GALNTL6: variants seen among roughly 807,000 people sequenced by gnomAD.
GALNTL6 encodes the protein polypeptide N-acetylgalactosaminyltransferase like 6, also known as polypeptide N-acetylgalactosaminyltransferase-like 6.
A neutral mutation model predicts 73.7 loss-of-function variants in GALNTL6; 46 were observed. The observed-to-expected ratio is 0.62, with a 90% CI of 0.49 to 0.80. GALNTL6 has a LOEUF of 0.80. Among genes scored for constraint, GALNTL6 ranks in the 30% least tolerant of loss-of-function variants. The pLI, the probability that GALNTL6 is intolerant of heterozygous loss-of-function variation, is 0.00. For synonymous variants in GALNTL6, 259 were observed against 263.7 expected (o/e 0.98, Z 0.17); for missense variants, 604 against 755.0 (o/e 0.80, Z 2.34).
At position 172,096,084 on chromosome 4, in the gene GALNTL6, C is replaced by CTGTG. The variant is rs138495979; in HGVS notation, c.139-133550_139-133547dup. On this transcript the variant is annotated intron_variant, in intron 2 of 12. Transcript: ENST00000506823. The stretch of plus-strand genomic sequence containing the variant: ...TTTCGATTTCTCTCTCTCTCTCTTT[C>CTGTG]TGTGTGTGTGTGTGTGTGTGTGTGT... 5.4e-3 allele frequency among the ~76,000 whole-genome samples: 793 copies of CTGTG among 147,140 alleles called. 6 individuals are homozygous for CTGTG. The highest frequency in any genetic ancestry group is 0.015 in the African/African-American group (581 of 39,826).
At chr4:172,534,253 G>C (rs1409016202) in intron 5 of GALNTL6, among the ~76,000 whole-genome samples, 2 of 152,144 alleles carry the variant, frequency 1.3e-5, no homozygotes, top group African/African-American at 2.4e-5. Context: ...AGCACTTCAG[G>C]CCTCTCCTGC....
rs17058925 is a variant in GALNTL6 at position 172,808,788 on chromosome 4, A to G, written c.554-573A>G. On this transcript the variant is annotated intron_variant, in intron 5 of 12. Transcript: ENST00000506823. The stretch of plus-strand genomic sequence containing the variant: ...ATAGGTAAGTTCCAAACGACTGTAT[A>G]GTATTTCATCTGCAGCCAGTCACCT... Among the ~76,000 whole-genome samples the G allele has an allele frequency of 3.2e-3, 485 of 152,372 alleles. 3 individuals carry two copies. Among genetic ancestry groups the G allele is most frequent in the African/African-American group, 0.011 (465 of 41,594 alleles).
chr4:172,338,469 T>C (rs939197245), intron 4 of GALNTL6, among the ~76,000 whole-genome samples: 2 of 152,172 alleles, frequency 1.3e-5, no homozygotes, highest in African/African-American at 4.8e-5. Context: ...TTTCTGTTCT[T>C]TCCCTCTACC....
At chr4:172,008,811 C>T (rs78118430) in intron 2 of GALNTL6, among the ~76,000 whole-genome samples, 10,299 of 152,206 alleles carry the variant, frequency 0.068, 515 homozygotes, top group Non-Finnish European at 0.094. Flanking sequence ...CAGAGCAAAT[C>T]AACCCAGTTT....
intron 5 of GALNTL6, among the ~76,000 whole-genome samples, chr4:172,804,151 A>C (rs1275365663): frequency 6.6e-6 from 1 of 152,242 alleles, no homozygotes; most frequent in Non-Finnish European, 1.5e-5. Context: ...AAAAAAATTT[A>C]AGAATATCTT....
chr4:172,013,408 G>A (rs1741082944), intron 2 of GALNTL6, among the ~76,000 whole-genome samples: 1 of 152,020 alleles, frequency 6.6e-6, no homozygotes, highest in African/African-American at 2.4e-5. Flanking sequence ...AAAATATACA[G>A]TATTTGTCTT....
intron 5 of GALNTL6, among the ~76,000 whole-genome samples, chr4:172,601,793 T>C (rs1452274504): frequency 6.8e-6 from 1 of 146,484 alleles, no homozygotes; most frequent in Non-Finnish European, 1.5e-5. Flanking sequence ...AAAAGGGGGT[T>C]AAGATCTATA....
At chr4:172,040,557 A>G (rs970552960) in intron 2 of GALNTL6, among the ~76,000 whole-genome samples, 1 of 152,134 alleles carries the variant, frequency 6.6e-6, no homozygotes, top group African/African-American at 2.4e-5. Flanking sequence ...CTACCATGCC[A>G]TTAATGATGA....
chr4:172,945,286 T>C (rs1749111406), intron 9 of GALNTL6, among the ~76,000 whole-genome samples: 1 of 151,998 alleles, frequency 6.6e-6, no homozygotes. Context: ...AGAAAGGAGA[T>C]CGGGAAAGGG....
intron 7 of GALNTL6, among the ~76,000 whole-genome samples, chr4:172,826,398 G>A (rs561412400): frequency 5.9e-5 from 9 of 152,186 alleles, no homozygotes; most frequent in Non-Finnish European, 1.3e-4. Flanking sequence ...CAGCCCATGG[G>A]CACACACGAT....
chr4:172,120,322 A>AT (rs1733112806), intron 2 of GALNTL6, among the ~76,000 whole-genome samples: 1 of 152,112 alleles, frequency 6.6e-6, no homozygotes, highest in Non-Finnish European at 1.5e-5. Context: ...ATCTTATGGG[A>AT]TTAAAACTAA....
chr4:172,463,185 GA>G (rs1312737785), intron 5 of GALNTL6, among the ~76,000 whole-genome samples: 1 of 151,910 alleles, frequency 6.6e-6, no homozygotes, highest in Non-Finnish European at 1.5e-5. Context: ...GATTGAAGTG[GA>G]AAAATAAATA....
At chr4:172,599,312 T>C (rs911697790) in intron 5 of GALNTL6, among the ~76,000 whole-genome samples, 1 of 152,164 alleles carries the variant, frequency 6.6e-6, no homozygotes, top group African/African-American at 2.4e-5. Flanking sequence ...CCTCATTTTG[T>C]CGTTATGTAT....
intron 2 of GALNTL6, among the ~76,000 whole-genome samples, chr4:171,854,808 G>C (rs1735638856): frequency 6.6e-6 from 1 of 152,026 alleles, no homozygotes; most frequent in Non-Finnish European, 1.5e-5. Context: ...TCCCATTCAT[G>C]GACTAATTAC....
chr4:172,212,767 A>G (rs866598157), intron 2 of GALNTL6, among the ~76,000 whole-genome samples: 2 of 152,064 alleles, frequency 1.3e-5, no homozygotes, highest in Non-Finnish European at 2.9e-5. Flanking sequence ...CCCCGGGTTC[A>G]AGCGATTCTC....
At position 172,816,158 on chromosome 4, in the gene GALNTL6, G is replaced by A. The variant is rs192728199; in HGVS notation, c.923+2435G>A. 4.6e-3 allele frequency among the ~76,000 whole-genome samples: 705 copies of A among 152,326 alleles called. 5 individuals carry two copies. Among genetic ancestry groups the A allele is most frequent in the African/African-American group, 0.016 (664 of 41,570 alleles). ...CGCCAAAGTGTATGGTTTTCTGTGG[G>A]AAGACAGGGAGAGGAGGCTGAAAGG... On this transcript the variant is annotated intron_variant, in intron 7 of 12. Coordinates refer to ENST00000506823, the MANE Select transcript of GALNTL6 (RefSeq NM_001034845.3).
chr4:172,049,128 A>C (rs1320738448), intron 2 of GALNTL6, among the ~76,000 whole-genome samples: 1 of 152,188 alleles, frequency 6.6e-6, no homozygotes, highest in Non-Finnish European at 1.5e-5. Flanking sequence ...TGCAAATGCT[A>C]TAGTATCTTT....
At chr4:172,959,966 C>A (rs62341880) in intron 10 of GALNTL6, among the ~76,000 whole-genome samples, 1 of 151,998 alleles carries the variant, frequency 6.6e-6, no homozygotes, top group African/African-American at 2.4e-5. Context: ...CTCAGAAATA[C>A]ATTGCTACTT....
chr4:172,064,654 C>T (rs1731304915), intron 2 of GALNTL6, among the ~76,000 whole-genome samples: 1 of 151,978 alleles, frequency 6.6e-6, no homozygotes, highest in Non-Finnish European at 1.5e-5. Context: ...TGGGATTGCC[C>T]CCTCCTTGTC....
Sources: allele counts gnomAD v4.1 joint callset (sites outside exome capture counted in the v4.1 genomes callset), GRCh38; gene constraint gnomAD v4.1.1; transcripts MANE v1.5; gene names NCBI Gene and HGNC (gene_info 2026-07-23, HGNC 2026-07-21).